Variants in SUSD1 observed in about 807,000 individuals in gnomAD.
The protein encoded by SUSD1 is sushi domain-containing protein 1.
SUSD1 carries 65 observed loss-of-function variants against 86.9 expected under a neutral mutation model. That is an observed-to-expected ratio of 0.75 (90% CI 0.61 to 0.92). The LOEUF (loss-of-function observed/expected upper bound fraction) is 0.92. Among genes scored for constraint, SUSD1 ranks in the 40% least tolerant of loss-of-function variants. The pLI is 0.00. For missense variants in SUSD1, 850 were observed against 929.7 expected (o/e 0.91, Z 1.11); for synonymous variants, 346 against 350.0 (o/e 0.99, Z 0.13).
chr9:112,064,046 T>TTTTTTTTTTTTTTTTTTTTGGG (rs1491139474), intron 12 of SUSD1, among the ~76,000 whole-genome samples: 1 of 78,650 alleles, frequency 1.3e-5, no homozygotes, highest in Non-Finnish European at 3.0e-5. Flanking sequence ...TTTCTTTTTT[T>TTTTTTTTTTTTTTTTTTTTGGG]GGGGGGGGGG....
At position 112,165,846 on chromosome 9, in the gene SUSD1, G is replaced by GAA. The variant is rs1414264523; in HGVS notation, c.104-8234_104-8233insTT. 1.4e-4 allele frequency among the ~76,000 whole-genome samples: 19 copies of GAA among 133,348 alleles called. No individual in the cohort carries two copies. In the East Asian group the frequency reaches 2.4e-3, roughly 17 times the overall value. The allele number at this position is 133,348 out of a possible 152,430, so 87.5% of individuals were successfully genotyped here. ...AAAGAAAGAAAGAGAAAGAAAGAAA[G>GAA]AGAAAGAGAAGGAAGGAAGGAAGGA... On this transcript the variant is annotated intron_variant, in intron 1 of 16. Transcript: ENST00000374270.
intron 5 of SUSD1, among the ~76,000 whole-genome samples, chr9:112,137,565 T>C (rs1187517532): frequency 6.6e-6 from 1 of 152,194 alleles, no homozygotes; most frequent in African/African-American, 2.4e-5. Flanking sequence ...TGAAAGATCA[T>C]CTTAGAACTA....
At chr9:112,125,763 C>T (rs1293186665) in intron 5 of SUSD1, among the ~76,000 whole-genome samples, 1 of 152,214 alleles carries the variant, frequency 6.6e-6, no homozygotes, top group Non-Finnish European at 1.5e-5. Context: ...ATCAGCCATC[C>T]TTGGCCTTAG....
At chr9:112,174,585 T>C (rs1298270361) in intron 1 of SUSD1, among the ~76,000 whole-genome samples, 1 of 152,184 alleles carries the variant, frequency 6.6e-6, no homozygotes, top group Non-Finnish European at 1.5e-5. Flanking sequence ...TCAAGGGCCA[T>C]CTGTTGAATG....
At chr9:112,095,257 A>T (rs1324258176) in intron 10 of SUSD1, among the ~76,000 whole-genome samples, 1 of 152,216 alleles carries the variant, frequency 6.6e-6, no homozygotes, top group Non-Finnish European at 1.5e-5. Context: ...GAAAAGTACT[A>T]AGACCTAGCA....
chr9:112,154,108 T>A (rs1833185778), intron 2 of SUSD1, among the ~76,000 whole-genome samples: 1 of 152,180 alleles, frequency 6.6e-6, no homozygotes, highest in African/African-American at 2.4e-5. Flanking sequence ...ATTCGGTCTA[T>A]CATTAACCAA....
chr9:112,137,464 T>G (rs1383446268), intron 5 of SUSD1, among the ~76,000 whole-genome samples: 1 of 152,236 alleles, frequency 6.6e-6, no homozygotes, highest in African/African-American at 2.4e-5. Context: ...TAAATGGTTT[T>G]ATATGGGGTT....
chr9:112,169,209 G>A (rs1398454924), intron 1 of SUSD1: 1 of 151,894 alleles, frequency 6.6e-6, no homozygotes, highest in Non-Finnish European at 1.5e-5. Flanking sequence ...ATATTTGCAG[G>A]GCTATTCAAA....
chr9:112,111,670 G>T lies in SUSD1; in HGVS notation c.1155C>A (p.Ile385=). ...TCCACCTACCAGCTGTCTGGAAACC[G>T]ATGACGGCTGGCATCGAGCGCCTGG... The part of the protein sequence containing the change: ...APPRRSMPAV[I]GFQTAEVDLL... The change falls in exon 8 of 17, where the codon ATC becomes ATA. Residue 385 remains isoleucine, a synonymous_variant. Coordinates refer to ENST00000374270, the MANE Select transcript of SUSD1 (RefSeq NM_022486.5). The T allele has an allele frequency of 6.2e-7, 1 of 1,613,698 alleles. No homozygotes were observed. The highest frequency in any genetic ancestry group is 8.5e-7 in the Non-Finnish European group (1 of 1,179,846).
chr9:112,131,761 G>T (rs373413538), intron 5 of SUSD1, among the ~76,000 whole-genome samples: 4 of 152,138 alleles, frequency 2.6e-5, no homozygotes, highest in African/African-American at 9.7e-5. Context: ...ATGCATAGGG[G>T]CATTCATTAA....
At chr9:112,142,925 C>T (rs1401772474) in intron 4 of SUSD1, among the ~76,000 whole-genome samples, 1 of 130,728 alleles carries the variant, frequency 7.6e-6, no homozygotes, top group Admixed American at 8.5e-5. Context: ...TATCTATTAA[C>T]TGCTAATAAA....
chr9:112,098,166 G>C (rs1186345081), intron 10 of SUSD1, among the ~76,000 whole-genome samples: 1 of 152,168 alleles, frequency 6.6e-6, no homozygotes, highest in Non-Finnish European at 1.5e-5. Context: ...TTAGGGTTCA[G>C]TTGTCTTAAA....
chr9:112,082,130 A>C (rs997905303), intron 10 of SUSD1, among the ~76,000 whole-genome samples: 2 of 152,248 alleles, frequency 1.3e-5, no homozygotes, highest in African/African-American at 4.8e-5. Flanking sequence ...AAAAAAAATG[A>C]GCTATAAATG....
chr9:112,052,157 T>G (rs1156882675), intron 15 of SUSD1: 1 of 1,446,582 alleles, frequency 6.9e-7, no homozygotes, highest in Non-Finnish European at 9.0e-7. Context: ...CCACTCACGG[T>G]GTTGAGTCCC....
chr9:112,052,384 A>G lies in SUSD1; in HGVS notation c.2149+15T>C. On this transcript the variant is annotated intron_variant, in intron 15 of 16. Transcript: ENST00000374270. ...AGAAATAAGGACAGCATTCATAGGC[A>G]GAAAATAATTTTACCTTTCACCTGA... The G allele has an allele frequency of 6.2e-7, 1 of 1,614,028 alleles. No individual in the cohort carries two copies. The highest frequency in any genetic ancestry group is 8.5e-7 in the Non-Finnish European group (1 of 1,180,004).
At chr9:112,107,180 G>A (rs1393585401) in intron 8 of SUSD1, among the ~76,000 whole-genome samples, 2 of 149,940 alleles carry the variant, frequency 1.3e-5, no homozygotes, top group Non-Finnish European at 3.0e-5. Flanking sequence ...GCTTGAGCCT[G>A]GAAGGTCAAG....
chr9:112,065,838 T>C (rs1176759136), intron 12 of SUSD1, among the ~76,000 whole-genome samples: 1 of 152,178 alleles, frequency 6.6e-6, no homozygotes, highest in African/African-American at 2.4e-5. Context: ...TTAACAATAA[T>C]AGTTAATGAG....
rs1196602907 is a variant in SUSD1 at position 112,143,586 on chromosome 9, A to C, written c.411T>G (p.His137Gln). 48 of 1,613,844 alleles carry C rather than the reference A, an allele frequency of 3.0e-5. No individual in the cohort carries two copies. The East Asian group carries it at 1.0e-3, about 35-fold the overall frequency. The change falls in exon 4 of 17, where the codon CAT becomes CAG. Residue 137 changes from histidine (H) to glutamine (Q), a missense_variant. His to Gln is a conservative substitution (Grantham distance 24, BLOSUM62 0). Coordinates refer to ENST00000374270, the MANE Select transcript of SUSD1 (RefSeq NM_022486.5). The part of the protein sequence containing the change: ...DECEVSGLCR[H>Q]GGRCVNTHGS... ...CATGAGTGTTCACGCATCGCCCTCC[A>C]TGCCTGCACAGGCCAGAAACTTCAC...
At chr9:112,052,766 G>C (rs778907720) in intron 14 of SUSD1, among the ~76,000 whole-genome samples, 7 of 152,180 alleles carry the variant, frequency 4.6e-5, no homozygotes, top group African/African-American at 7.2e-5. Context: ...GGACCGCCTA[G>C]AGAATTATGC....
Sources: gnomAD v4.1 joint callset for allele counts (sites outside exome capture counted in the v4.1 genomes callset) on GRCh38, gnomAD v4.1.1 for gene constraint, MANE v1.5 for transcripts, NCBI Gene and HGNC (gene_info 2026-07-23, HGNC 2026-07-21) for gene names.